The following HEATR5A variants were observed in gnomAD, a reference collection of about 807,000 sequenced individuals.
HEATR5A encodes HEAT repeat containing 5A.
HEATR5A carries 178 observed loss-of-function variants against 218.8 expected under a neutral mutation model. That is an observed-to-expected ratio of 0.81 (90% CI 0.72 to 0.92). The LOEUF (loss-of-function observed/expected upper bound fraction) is 0.92, where lower values mean the gene tolerates loss of function less well. Ranked by LOEUF, HEATR5A falls within the 40% of genes least tolerant of loss-of-function variation. The probability of loss-of-function intolerance (pLI) is 0.00; values close to 1 mark genes in which losing one functional copy is unlikely to be tolerated. For synonymous variants in HEATR5A, 864 were observed against 871.6 expected, an observed-to-expected ratio of 0.99 and a Z score of 0.15; for missense variants, 2,420 against 2,418.9, an observed-to-expected ratio of 1.00 and a Z score of -0.01.
rs370753866 is a variant in HEATR5A, at chr14:31,377,417, T to TA, written c.1709-2450dup. Among the ~76,000 whole-genome samples the TA allele has an allele frequency of 6.2e-3, 98 of 15,916 alleles. 1 individual carries two copies. The highest frequency in any genetic ancestry group is 8.3e-3 in the African/African-American group (95 of 11,408). The allele number at this position is 15,916 out of a possible 152,430, so 10.4% of individuals were successfully genotyped here. ...AATTCCATGAGCTCATAATGATACC[T>TA]AAAAAAAAAACCTCACTGGTCCCCC... is the stretch of plus-strand genomic sequence containing the variant. On this transcript the variant is annotated intron_variant, in intron 11 of 35. Transcript: ENST00000543095.
chr14:31,394,704 G>C (rs2030587417), intron 5 of HEATR5A, among the ~76,000 whole-genome samples: 1 of 152,066 alleles, frequency 6.6e-6, no homozygotes, highest in African/African-American at 2.4e-5. Flanking sequence ...TGTAGTCCTG[G>C]CTACTCAGGA....
intron 2 of HEATR5A, among the ~76,000 whole-genome samples, chr14:31,401,272 T>C (rs570522741): frequency 2.6e-5 from 4 of 152,206 alleles, no homozygotes; most frequent in African/African-American, 9.6e-5. Flanking sequence ...ATTTCACCCA[T>C]GCTGTTCTTG....
chr14:31,358,515 CTT>C, intron 16 of HEATR5A, 120 bp downstream of exon 16: 3 of 896,878 alleles, frequency 3.3e-6, no homozygotes, highest in Non-Finnish European at 5.0e-6. Context: ...TAAACAAAAA[CTT>C]ATATTTCACC....
chr14:31,321,079 CCTTGCTCCCTTCCTTCCTCT>C (rs1900085526), intron 25 of HEATR5A, among the ~76,000 whole-genome samples: 1 of 152,008 alleles, frequency 6.6e-6, no homozygotes, highest in Non-Finnish European at 1.5e-5. Context: ...TCCCTCCCTC[CCTTGCTCCCTTCCTTCCTCT>C]CTTCCTTTCT....
intron 7 of HEATR5A, 23 bp from the exon 8 acceptor site, chr14:31,387,398 T>C (rs1566778426): frequency 7.7e-6 from 12 of 1,560,028 alleles, no homozygotes; most frequent in Non-Finnish European, 1.1e-5. Flanking sequence ...AGAGTTTTAT[T>C]TTCAATATTA....
intron 13 of HEATR5A, among the ~76,000 whole-genome samples, chr14:31,369,608 CAAAAAAA>C (rs71430951): frequency 1.1e-4 from 5 of 45,148 alleles, no homozygotes; most frequent in African/African-American, 1.9e-4. Flanking sequence ...AAAACTGTCT[CAAAAAAA>C]AAAAAAAAAA....
intron 33 of HEATR5A, among the ~76,000 whole-genome samples, chr14:31,300,379 C>T (rs901542749): frequency 6.6e-6 from 1 of 151,814 alleles, no homozygotes; most frequent in African/African-American, 2.4e-5. Flanking sequence ...TCTCTACCTC[C>T]CGGGTTCAAG....
intron 32 of HEATR5A, among the ~76,000 whole-genome samples, chr14:31,304,666 C>T (rs1049784112): frequency 1.3e-5 from 2 of 152,220 alleles, no homozygotes; most frequent in Non-Finnish European, 2.9e-5. Flanking sequence ...ATCCACCCAC[C>T]TTGGCCTTCC....
In HEATR5A at chr14:31,349,997, CA is replaced by C; in HGVS notation, c.2518-19del. The C allele has an allele frequency of 1.3e-6, 2 of 1,492,744 alleles. No homozygotes were observed. Among genetic ancestry groups the C allele is most frequent in the Non-Finnish European group, 1.8e-6 (2 of 1,113,282 alleles). 92.5% of individuals were successfully genotyped at this position (1,492,744 alleles called of 1,614,324 possible). Reference sequence around the variant, plus strand: ...GCCACGTACTGAAATATGTAAAGAACAACCCAAACTTACAATTGTAGTAAAT... The same window carrying C: ...GCCACGTACTGAAATATGTAAAGAACACCCAAACTTACAATTGTAGTAAAT... On this transcript the variant is annotated intron_variant, in intron 17 of 35. Transcript: ENST00000543095.
intron 31 of HEATR5A, 123 bp from the exon 32 acceptor site, chr14:31,305,300 TCA>T: frequency 1.0e-6 from 1 of 1,003,036 alleles, no homozygotes; most frequent in Non-Finnish European, 1.4e-6. Context: ...TCTCGCTCTG[TCA>T]CACAGGCTGG....
chr14:31,335,137 T>C (rs1183529461), intron 22 of HEATR5A, among the ~76,000 whole-genome samples: 1 of 152,088 alleles, frequency 6.6e-6, no homozygotes. Context: ...ATTTAAGGTA[T>C]GTACATTGCT....
chr14:31,339,704 GAA>G (rs1900783610), intron 21 of HEATR5A, among the ~76,000 whole-genome samples: 1 of 152,042 alleles, frequency 6.6e-6, no homozygotes, highest in Non-Finnish European at 1.5e-5. Context: ...AAAGTGGATA[GAA>G]AGGAATGCCA....
intron 21 of HEATR5A, among the ~76,000 whole-genome samples, chr14:31,341,373 G>A (rs1017164359): frequency 6.6e-6 from 1 of 151,652 alleles, no homozygotes; most frequent in African/African-American, 2.4e-5. Context: ...AAGGCAAAAA[G>A]TTAATAAGTT....
chr14:31,368,698 T>A (rs1901899014), intron 13 of HEATR5A, among the ~76,000 whole-genome samples: 1 of 4,260 alleles, frequency 2.3e-4, no homozygotes, highest in South Asian at 6.5e-3. Flanking sequence ...TCTGACTCTA[T>A]TTATTTATTT....
chr14:31,330,623 T>C (rs1247552803), intron 22 of HEATR5A, among the ~76,000 whole-genome samples: 1 of 151,848 alleles, frequency 6.6e-6, no homozygotes, highest in Non-Finnish European at 1.5e-5. Flanking sequence ...ACCCTGTCTC[T>C]ACTAAAAAAT....
At chr14:31,396,085 G>A (rs1595172374) in intron 4 of HEATR5A, among the ~76,000 whole-genome samples, 4 of 152,122 alleles carry the variant, frequency 2.6e-5, no homozygotes, top group Admixed American at 2.0e-4. Flanking sequence ...GGCTGGGTGC[G>A]GTGGCTCACA....
At chr14:31,373,328 C>A (rs181987417) in intron 12 of HEATR5A, among the ~76,000 whole-genome samples, 4 of 141,948 alleles carry the variant, frequency 2.8e-5, no homozygotes, top group Admixed American at 7.1e-5. Context: ...TGAAACATTA[C>A]TTTTTTTTTT....
intron 21 of HEATR5A, among the ~76,000 whole-genome samples, chr14:31,340,756 A>AT (rs1291480796): frequency 2.6e-5 from 4 of 151,942 alleles, no homozygotes; most frequent in African/African-American, 9.7e-5. Flanking sequence ...AGAATCTCTG[A>AT]TTAAGCCTCA....
intron 1 of HEATR5A, among the ~76,000 whole-genome samples, chr14:31,418,936 A>AT (rs1353982741): frequency 6.6e-6 from 1 of 152,150 alleles, no homozygotes. Flanking sequence ...TAAAAAAATA[A>AT]TTTTTTTCTG....
Sources: gnomAD v4.1 joint callset for allele counts (sites outside exome capture counted in the v4.1 genomes callset) on GRCh38, gnomAD v4.1.1 for gene constraint, MANE v1.5 for transcripts, NCBI Gene and HGNC (gene_info 2026-07-23, HGNC 2026-07-21) for gene names.